The following MACROD2 variants were observed in gnomAD, a reference collection of about 807,000 sequenced individuals.
The protein encoded by MACROD2 is mono-ADP ribosylhydrolase 2, also known as ADP-ribose glycohydrolase MACROD2.
In MACROD2, 36 loss-of-function variants were observed where a neutral mutation model predicts 70.4. That is an observed-to-expected ratio of 0.51 (90% CI 0.39 to 0.68). The LOEUF is 0.68. MACROD2 is among the 30% of genes least tolerant of loss of function. MACROD2 has a pLI of 0.00. For synonymous variants in MACROD2, 172 were observed against 178.8 expected (o/e 0.96, Z 0.30); for missense variants, 496 against 538.4 (o/e 0.92, Z 0.78).
intron 5 of MACROD2, among the ~76,000 whole-genome samples, chr20:14,758,474 T>A (rs147647008): frequency 6.6e-6 from 1 of 152,294 alleles, no homozygotes; most frequent in African/African-American, 2.4e-5. Context: ...AATTTGGTAA[T>A]GCTCAGTACA....
chr20:14,788,580 C>CGG (rs1491231900), intron 5 of MACROD2, among the ~76,000 whole-genome samples: 59 of 73,268 alleles, frequency 8.1e-4, no homozygotes, highest in African/African-American at 3.0e-3. Flanking sequence ...GATCACATCT[C>CGG]AAAAAAAAAA....
intron 3 of MACROD2, among the ~76,000 whole-genome samples, chr20:14,358,899 T>G (rs932691038): frequency 3.9e-5 from 6 of 152,098 alleles, no homozygotes; most frequent in Non-Finnish European, 7.4e-5. Flanking sequence ...GAAAAAATTG[T>G]AGTGAGGCCA....
intron 5 of MACROD2, among the ~76,000 whole-genome samples, chr20:15,153,434 G>A (rs187811579): frequency 3.3e-5 from 5 of 152,240 alleles, no homozygotes; most frequent in Middle Eastern, 3.4e-3. Flanking sequence ...GGCAGGAACT[G>A]GCCATCTGGA....
intron 5 of MACROD2, 51 bp downstream of exon 5, chr20:14,685,010 T>A: frequency 7.1e-7 from 1 of 1,401,610 alleles, no homozygotes; most frequent in Non-Finnish European, 1.0e-6. Context: ...TCTTAACTTG[T>A]TTTACTCCAG....
chr20:14,791,399 T>C (rs552722013), intron 5 of MACROD2, among the ~76,000 whole-genome samples: 1 of 152,162 alleles, frequency 6.6e-6, no homozygotes, highest in African/African-American at 2.4e-5. Flanking sequence ...ACAGAGGCGT[T>C]ATTGAGATTT....
At chr20:15,077,893 G>C (rs1182157616) in intron 5 of MACROD2, among the ~76,000 whole-genome samples, 1 of 152,118 alleles carries the variant, frequency 6.6e-6, no homozygotes, top group African/African-American at 2.4e-5. Flanking sequence ...GTGTTGATAT[G>C]GCTTCTGGAG....
intron 6 of MACROD2, among the ~76,000 whole-genome samples, chr20:15,398,440 A>AG (rs2045887844): frequency 6.6e-6 from 1 of 152,166 alleles, no homozygotes; most frequent in Non-Finnish European, 1.5e-5. Context: ...CTCTATGGTA[A>AG]GTATATGGGC....
chr20:14,030,752 C>T (rs2053236906), intron 2 of MACROD2, among the ~76,000 whole-genome samples: 3 of 151,980 alleles, frequency 2.0e-5, no homozygotes, highest in South Asian at 4.2e-4. Context: ...CCTTCCTTCC[C>T]TCCCTCCCTC....
At chr20:15,610,471 T>C (rs1227530325) in intron 8 of MACROD2, among the ~76,000 whole-genome samples, 1 of 152,166 alleles carries the variant, frequency 6.6e-6, no homozygotes, top group African/African-American at 2.4e-5. Flanking sequence ...CGCCTTAGAC[T>C]TCACATGGCC....
intron 9 of MACROD2, among the ~76,000 whole-genome samples, chr20:15,864,277 A>T (rs114254336): frequency 6.6e-6 from 1 of 152,130 alleles, no homozygotes; most frequent in East Asian, 1.9e-4. Flanking sequence ...CTTTATGACA[A>T]TATTGAGCTG....
intron 3 of MACROD2, among the ~76,000 whole-genome samples, chr20:14,188,829 C>A (rs1027422966): frequency 1.3e-5 from 2 of 152,044 alleles, no homozygotes; most frequent in Non-Finnish European, 1.5e-5. Flanking sequence ...AACAACACAG[C>A]CTACATTTTC....
chr20:14,939,236 T>TTATA (rs1249973793), intron 5 of MACROD2, among the ~76,000 whole-genome samples: 1 of 152,108 alleles, frequency 6.6e-6, no homozygotes, highest in African/African-American at 2.4e-5. Flanking sequence ...GGTCTTATAT[T>TTATA]TAAGTCTGTA....
intron 10 of MACROD2, among the ~76,000 whole-genome samples, chr20:15,925,665 G>T (rs6135602): frequency 0.054 from 8,259 of 152,156 alleles, 364 homozygotes; most frequent in East Asian, 0.24. Context: ...TTGACTCTCT[G>T]CTTACCATTA....
chr20:14,212,783 C>T (rs2081581171), intron 3 of MACROD2, among the ~76,000 whole-genome samples: 1 of 151,078 alleles, frequency 6.6e-6, no homozygotes, highest in African/African-American at 2.4e-5. Context: ...TGGAGCTCAG[C>T]TCATAGTAAG....
At chr20:15,816,357 G>A (rs1053675630) in intron 8 of MACROD2, among the ~76,000 whole-genome samples, 1 of 151,944 alleles carries the variant, frequency 6.6e-6, no homozygotes, top group Non-Finnish European at 1.5e-5. Flanking sequence ...AAATTGTACT[G>A]GAATCAGACT....
intron 7 of MACROD2, among the ~76,000 whole-genome samples, chr20:15,468,111 A>G (rs1403916632): frequency 6.6e-6 from 1 of 152,186 alleles, no homozygotes; most frequent in Non-Finnish European, 1.5e-5. Flanking sequence ...TCTTTTGTAG[A>G]TAATGAATAT....
At chr20:15,639,686 G>C (rs458954) in intron 8 of MACROD2, among the ~76,000 whole-genome samples, 115,858 of 152,068 alleles carry the variant, frequency 0.76, 44,617 homozygotes, top group Middle Eastern at 0.85. Context: ...CTCTCCATCA[G>C]CAGTGATCCC....
chr20:15,124,132 G>A (rs1383211259), intron 5 of MACROD2, among the ~76,000 whole-genome samples: 1 of 151,446 alleles, frequency 6.6e-6, no homozygotes, highest in East Asian at 1.9e-4. Context: ...TTCTCTCTTT[G>A]ATTTTTTTTG....
intron 4 of MACROD2, among the ~76,000 whole-genome samples, chr20:14,557,240 A>T (rs1486307334): frequency 6.6e-6 from 1 of 152,010 alleles, no homozygotes; most frequent in African/African-American, 2.4e-5. Context: ...TGGATCATAG[A>T]TCTAAGTGGA....
Sources: gnomAD v4.1 joint callset for allele counts (sites outside exome capture counted in the v4.1 genomes callset) on GRCh38, gnomAD v4.1.1 for gene constraint, MANE v1.5 for transcripts, NCBI Gene and HGNC (gene_info 2026-07-23, HGNC 2026-07-21) for gene names.